Variants in CDH1 observed in about 807,000 individuals in gnomAD.
CDH1 encodes the protein cadherin 1.
In CDH1, 35 loss-of-function variants were observed where a neutral mutation model predicts 84.5. The ratio of observed to expected loss-of-function variants is 0.41; its 90% CI spans 0.32 to 0.55. The LOEUF (loss-of-function observed/expected upper bound fraction) is 0.55, where lower values mean the gene tolerates loss of function less well. CDH1 is among the 20% of genes least tolerant of loss of function. The probability of loss-of-function intolerance (pLI) is 0.19; values close to 1 mark genes in which losing one functional copy is unlikely to be tolerated. For synonymous variants in CDH1, 417 were observed against 439.0 expected (o/e 0.95, Z 0.63); for missense variants, 994 against 1,126.6 (o/e 0.88, Z 1.68).
In CDH1 at chr16:68,808,768, G is replaced by A. The variant is rs1215319435; in HGVS notation, c.607G>A (p.Gly203Ser). 1.9e-6 allele frequency: 3 copies of A among 1,614,056 alleles called. No individual in the cohort carries two copies. Among genetic ancestry groups the A allele is most frequent in the Admixed American group, 1.7e-5 (1 of 60,006 alleles). ...CCAAGGAGCTGACACACCCCCTGTT[G>A]GTGTCTTTATTATTGAAAGAGAAAC... ...TGQGADTPPV[G>S]VFIIERETGW... The change falls in exon 5 of 16, where the codon GGT (glycine) becomes AGT (serine). Residue 203 changes from glycine to serine, a missense_variant. Around this residue, in one of 3 missense-constraint regions of CDH1, gnomAD observed 769 missense variants for 881.8 expected, o/e 0.87. Transcript: ENST00000261769.
intron 10 of CDH1, among the ~76,000 whole-genome samples, chr16:68,818,956 A>G (rs1488269596): frequency 6.6e-6 from 1 of 151,922 alleles, no homozygotes; most frequent in East Asian, 1.9e-4. Flanking sequence ...CCCAGGTTCA[A>G]ACGATTCTCC....
chr16:68,776,153 A>C (rs1014727342), intron 2 of CDH1, among the ~76,000 whole-genome samples: 3 of 152,024 alleles, frequency 2.0e-5, no homozygotes, highest in Admixed American at 6.6e-5. Flanking sequence ...TGCCTGACTA[A>C]GTTTTGTATT....
At chr16:68,830,948 T>C (rs1961466168) in intron 15 of CDH1, among the ~76,000 whole-genome samples, 1 of 152,046 alleles carries the variant, frequency 6.6e-6, no homozygotes, top group Non-Finnish European at 1.5e-5. Flanking sequence ...GCAGGATCTG[T>C]TTCCTTAAGT....
At chr16:68,742,926 C>T (rs985255255) in intron 2 of CDH1, among the ~76,000 whole-genome samples, 1 of 152,172 alleles carries the variant, frequency 6.6e-6, no homozygotes, top group Admixed American at 6.5e-5. Context: ...TCTGAGCTTA[C>T]TGGGAAAGAA....
chr16:68,787,666 T>G (rs920421441), intron 2 of CDH1, among the ~76,000 whole-genome samples: 1 of 150,954 alleles, frequency 6.6e-6, no homozygotes, highest in Non-Finnish European at 1.5e-5. Flanking sequence ...TTTGTTTTGT[T>G]TTGTTTTTTG....
chr16:68,765,815 T>C (rs1959363089), intron 2 of CDH1, among the ~76,000 whole-genome samples: 1 of 152,198 alleles, frequency 6.6e-6, no homozygotes, highest in African/African-American at 2.4e-5. Flanking sequence ...TTTCTCTTTC[T>C]ATCTTGTGCC....
intron 3 of CDH1, among the ~76,000 whole-genome samples, chr16:68,803,415 A>G (rs927812842): frequency 6.6e-6 from 1 of 152,096 alleles, no homozygotes; most frequent in African/African-American, 2.4e-5. Context: ...TTATTTTTTT[A>G]GAGACAGATT....
Position 68,758,207 on chromosome 16 carries a change from CTTTTTTTTT to C in CDH1, c.163+19815_163+19823del, listed in dbSNP as rs57413297. Among the ~76,000 whole-genome samples, 68 of 40,036 alleles carry C rather than the reference CTTTTTTTTT, an allele frequency of 1.7e-3. 1 individual carries two copies. In the East Asian group the frequency reaches 0.04, roughly 24 times the overall value. The allele number at this position is 40,036 out of a possible 152,430, so 26.3% of individuals were successfully genotyped here. A position where few individuals can be genotyped will look rare whatever the true frequency, so the allele number is the denominator to read the frequency against. On this transcript the variant is annotated intron_variant, in intron 2 of 15. Transcript: ENST00000261769. ...GCCTAGGGTAGGCTTCTTTTTATTT[CTTTTTTTTT>C]TTTTTTTTTTTTTTTTTTGAGAGAG... is the stretch of plus-strand genomic sequence containing the variant.
intron 2 of CDH1, among the ~76,000 whole-genome samples, chr16:68,768,784 G>A (rs1410096541): frequency 6.6e-6 from 1 of 152,126 alleles, no homozygotes; most frequent in Non-Finnish European, 1.5e-5. Flanking sequence ...CTAGAAGTAA[G>A]GTCTCTATTA....
chr16:68,743,814 ATTTGAC>A (rs886537159), intron 2 of CDH1, among the ~76,000 whole-genome samples: 2 of 152,220 alleles, frequency 1.3e-5, no homozygotes, highest in South Asian at 2.1e-4. Flanking sequence ...GCCACTAGCT[ATTTGAC>A]TTTGAATAAG....
rs1064793079 is a variant in CDH1, at chr16:68,737,422, C to T, written c.7C>T (p.Pro3Ser). 6.5e-7 allele frequency: 1 copy of T among 1,534,102 alleles called. No homozygotes were observed. The highest frequency in any genetic ancestry group is 8.7e-7 in the Non-Finnish European group (1 of 1,146,718). ...TCGGCGTCCCCGGCCAGCCATGGGC[C>T]CTTGGAGCCGCAGCCTCTCGGCGCT... MG[P>S]WSRSLSALLL... The change falls in exon 1 of 16, where the codon CCT becomes TCT. Residue 3 changes from proline (P) to serine (S), a missense_variant. Physicochemically the swap from Pro to Ser is moderately conservative, Grantham distance 74 (BLOSUM62 -1). Coordinates refer to ENST00000261769, the MANE Select transcript of CDH1 (RefSeq NM_004360.5).
chr16:68,815,672 T>C lies in CDH1; in HGVS notation c.1478T>C (p.Val493Ala), dbSNP rs786202407. ...ATCTTTGTGCCTCCTGAAAAGAGAG[T>C]GGAAGTGTCCGAGGACTTTGGCGTG... ...APIFVPPEKRVEVSEDFGVGQ... is the reference protein window; with the variant it reads ...APIFVPPEKRAEVSEDFGVGQ... Residue 493 changes from valine to alanine, a missense_variant, in exon 10 of 16, where the codon GTG becomes GCG. Val to Ala is a moderately conservative substitution (Grantham distance 64). Transcript: ENST00000261769. 8 of 1,614,128 alleles carry C rather than the reference T, an allele frequency of 5.0e-6. No homozygotes were observed. In the East Asian group the frequency reaches 6.7e-5, roughly 13 times the overall value.
chr16:68,766,276 A>G (rs76485796), intron 2 of CDH1, among the ~76,000 whole-genome samples: 1 of 152,078 alleles, frequency 6.6e-6, no homozygotes, highest in African/African-American at 2.4e-5. Flanking sequence ...AAACAAAAAA[A>G]TTTATATTAC....
intron 15 of CDH1, among the ~76,000 whole-genome samples, chr16:68,831,478 G>GA (rs1391226876): frequency 2.0e-5 from 3 of 151,598 alleles, no homozygotes; most frequent in African/African-American, 7.3e-5. Context: ...TTAGCCACTG[G>GA]AAAAAACAAG....
intron 14 of CDH1, among the ~76,000 whole-genome samples, chr16:68,829,364 A>G (rs1299191702): frequency 6.6e-6 from 1 of 152,190 alleles, no homozygotes; most frequent in Non-Finnish European, 1.5e-5. Context: ...GGAGGGAGTG[A>G]ATATTTGCCA....
intron 10 of CDH1, among the ~76,000 whole-genome samples, 165 bp downstream of exon 10, chr16:68,815,924 C>T (rs891441619): frequency 3.3e-5 from 5 of 152,320 alleles, no homozygotes; most frequent in Admixed American, 2.0e-4. Context: ...TTCACCTGTT[C>T]CCTTCCCTTC....
In CDH1 at chr16:68,786,811, A is replaced by G. The variant is rs565798402; in HGVS notation, c.164-14859A>G. Among the ~76,000 whole-genome samples, 28 of 152,320 alleles carry G rather than the reference A, an allele frequency of 1.8e-4. 1 individual carries two copies. Among genetic ancestry groups the G allele is most frequent in the Admixed American group, 9.8e-4 (15 of 15,300 alleles). On this transcript the variant is annotated intron_variant, in intron 2 of 15. Transcript: ENST00000261769. ...GAGCACTTGTTGTACAGTCATCTGCAAGCACATGTGACCTGGAGACTGTGG... is the reference window on the plus strand; with the variant it reads ...GAGCACTTGTTGTACAGTCATCTGCGAGCACATGTGACCTGGAGACTGTGG...
At chr16:68,794,718 G>A (rs1249970343) in intron 2 of CDH1, among the ~76,000 whole-genome samples, 5 of 139,816 alleles carry the variant, frequency 3.6e-5, no homozygotes, top group East Asian at 4.1e-4. Flanking sequence ...ATGGAGTCTC[G>A]CTCAGTCGCC....
chr16:68,744,612 C>T (rs1327819269), intron 2 of CDH1, among the ~76,000 whole-genome samples: 1 of 152,100 alleles, frequency 6.6e-6, no homozygotes, highest in African/African-American at 2.4e-5. Flanking sequence ...TCCACTTCTG[C>T]CCAAGATTTG....
Sources: gnomAD v4.1 joint callset for allele counts (sites outside exome capture counted in the v4.1 genomes callset) on GRCh38, gnomAD v4.1.1 for gene constraint, gnomAD v4.1.1 regional missense constraint, MANE v1.5 for transcripts, NCBI Gene and HGNC (gene_info 2026-07-23, HGNC 2026-07-21) for gene names.